IL27RA: variants seen among roughly 807,000 people sequenced by gnomAD.
The protein encoded by IL27RA is interleukin-27 receptor subunit alpha.
In IL27RA, 61 loss-of-function variants were observed where a neutral mutation model predicts 80.8. The ratio of observed to expected loss-of-function variants is 0.76; its 90% CI spans 0.61 to 0.93. The LOEUF (loss-of-function observed/expected upper bound fraction) is 0.93, where lower values mean the gene tolerates loss of function less well. IL27RA is among the 40% of genes least tolerant of loss of function. The probability of loss-of-function intolerance (pLI) is 0.00; values close to 1 mark genes in which losing one functional copy is unlikely to be tolerated. For synonymous variants in IL27RA, 316 were observed against 332.5 expected, an observed-to-expected ratio of 0.95 and a Z score of 0.54; for missense variants, 735 against 808.1, an observed-to-expected ratio of 0.91 and a Z score of 1.10.
intron 8 of IL27RA, among the ~76,000 whole-genome samples, chr19:14,047,958 G>A (rs922739382): frequency 2.7e-5 from 4 of 149,516 alleles, no homozygotes; most frequent in East Asian, 3.9e-4. Flanking sequence ...CACCGCACCC[G>A]GCATTTTTTT....
chr19:14,043,775 T>G (rs1002915044), intron 6 of IL27RA, among the ~76,000 whole-genome samples: 1 of 151,552 alleles, frequency 6.6e-6, no homozygotes, highest in Admixed American at 6.6e-5. Flanking sequence ...AGGCTGGGCA[T>G]GGTGGCTCAT....
Position 14,051,693 on chromosome 19 carries a change from T to A in IL27RA, c.1615T>A (p.Ser539Thr), listed in dbSNP as rs201844321. 2.7e-5 allele frequency: 44 copies of A among 1,602,460 alleles called. No homozygotes were observed. Among genetic ancestry groups the A allele is most frequent in the Non-Finnish European group, 3.5e-5 (41 of 1,173,754 alleles). ...LLGCGLSLAT[S>T]GRCYHLRHKV... ...GGGGTGTGGCCTGAGCCTGGCCACC[T>A]CTGGAAGGTGAGGCTGTCGGATACA... Residue 539 changes from serine to threonine, a missense_variant, in exon 12 of 14, where the codon TCT becomes ACT. Physicochemically the swap from Ser to Thr is moderately conservative, Grantham distance 58. Coordinates refer to ENST00000263379, the MANE Select transcript of IL27RA (RefSeq NM_004843.4).
Position 14,046,253 on chromosome 19 carries a change from C to T in IL27RA, c.868C>T (p.Pro290Ser). 1 of 1,614,170 alleles carries T rather than the reference C, an allele frequency of 6.2e-7. No individual in the cohort carries two copies. Among genetic ancestry groups the T allele is most frequent in the Non-Finnish European group, 8.5e-7 (1 of 1,180,038 alleles). ...EGITCCCSLI[P>S]SGAEWARVSA... ...AATTACCTGCTGCTGCTCCCTAATT[C>T]CCAGTGGGGCGGAGTGGGCCAGGGT... The change falls in exon 7 of 14, where the codon CCC (proline) becomes TCC (serine). Residue 290 changes from proline to serine, a missense_variant. Physicochemically the swap from Pro to Ser is moderately conservative, Grantham distance 74. Coordinates refer to ENST00000263379, the MANE Select transcript of IL27RA (RefSeq NM_004843.4).
At chr19:14,045,537 C>T (rs1277907558) in intron 6 of IL27RA, among the ~76,000 whole-genome samples, 2 of 146,452 alleles carry the variant, frequency 1.4e-5, no homozygotes, top group Admixed American at 1.4e-4. Flanking sequence ...GGAGGCAGAG[C>T]TTGCAGTGAG....
chr19:14,050,281 C>T (rs921708719), intron 10 of IL27RA, among the ~76,000 whole-genome samples: 1 of 152,104 alleles, frequency 6.6e-6, no homozygotes. Flanking sequence ...GTGGGCAGAT[C>T]ACCTGAGGTC....
At chr19:14,036,960 T>G (rs1264541376) in intron 2 of IL27RA, among the ~76,000 whole-genome samples, 2 of 152,038 alleles carry the variant, frequency 1.3e-5, no homozygotes, top group Non-Finnish European at 2.9e-5. Context: ...TTTAGCCTCC[T>G]GAGTAGCTGG....
chr19:14,035,750 CTATTTT>C (rs2145686109), intron 2 of IL27RA, among the ~76,000 whole-genome samples: 1 of 152,002 alleles, frequency 6.6e-6, no homozygotes, highest in Admixed American at 6.6e-5. Context: ...CACATCTTTT[CTATTTT>C]TATTTTAGTT....
intron 10 of IL27RA, 115 bp from the exon 11 acceptor site, chr19:14,050,643 G>A: frequency 9.0e-7 from 1 of 1,105,546 alleles, no homozygotes; most frequent in Non-Finnish European, 1.3e-6. Context: ...AAAGAGATGA[G>A]GAGGGAGCCA....
At chr19:14,044,896 C>T (rs1976041083) in intron 6 of IL27RA, among the ~76,000 whole-genome samples, 2 of 151,462 alleles carry the variant, frequency 1.3e-5, no homozygotes, top group African/African-American at 4.9e-5. Context: ...GAGGCCGAGG[C>T]GGGTGGATCA....
intron 4 of IL27RA, among the ~76,000 whole-genome samples, chr19:14,042,114 G>A (rs1037796491): frequency 6.6e-6 from 1 of 151,654 alleles, no homozygotes; most frequent in Non-Finnish European, 1.5e-5. Flanking sequence ...CAGGGGAATC[G>A]CTTGAACCCA....
rs777481017 is a variant in IL27RA at position 14,052,269 on chromosome 19, C to T, written c.1890C>T (p.Pro630=). The stretch of plus-strand genomic sequence containing the variant: ...AGGAGCTGGGCCTTCTGGGGCCCCC[C>T]AGGCCACAGGTTCTGGCCTGAACCA... ...TPEELGLLGP[P]RPQVLA Residue 630 remains proline, a synonymous_variant, in exon 14 of 14, where the codon CCC becomes CCT. Coordinates refer to ENST00000263379, the MANE Select transcript of IL27RA (RefSeq NM_004843.4). 31 of 1,533,338 alleles carry T rather than the reference C, an allele frequency of 2.0e-5. No homozygotes were observed. Among genetic ancestry groups the T allele is most frequent in the Admixed American group, 4.2e-5 (2 of 47,724 alleles). The allele number at this position is 1,533,338 out of a possible 1,614,324, so 95.0% of individuals were successfully genotyped here.
At chr19:14,038,567 TAAA>T (rs34678070) in intron 2 of IL27RA, among the ~76,000 whole-genome samples, 13 of 100,978 alleles carry the variant, frequency 1.3e-4, no homozygotes, top group Admixed American at 2.2e-4. Flanking sequence ...GTCGTGTCTC[TAAA>T]AAAAAAAAAA....
chr19:14,032,528 G>C (rs777121603), intron 2 of IL27RA, 25 bp downstream of exon 2: 1 of 1,531,560 alleles, frequency 6.5e-7, no homozygotes, highest in African/African-American at 1.4e-5. Flanking sequence ...GTGACGTGGG[G>C]AAACAGGCTT....
intron 6 of IL27RA, among the ~76,000 whole-genome samples, chr19:14,044,500 A>G (rs1400189812): frequency 6.6e-6 from 1 of 151,930 alleles, no homozygotes; most frequent in African/African-American, 2.4e-5. Context: ...CGGCCTCCCA[A>G]AGTGCTGGGA....
intron 2 of IL27RA, among the ~76,000 whole-genome samples, chr19:14,037,195 A>G (rs1263110637): frequency 1.3e-5 from 2 of 152,024 alleles, no homozygotes; most frequent in South Asian, 2.1e-4. Context: ...TGTTGTGAAT[A>G]GTGCTGCATT....
In IL27RA at chr19:14,049,001, C is replaced by T; in HGVS notation, c.1162C>T (p.Pro388Ser). 6.2e-7 allele frequency: 1 copy of T among 1,613,984 alleles called. No individual in the cohort carries two copies. The highest frequency in any genetic ancestry group is 1.1e-5 in the South Asian group (1 of 91,068). Residue 388 changes from proline (P) to serine (S), a missense_variant, in exon 9 of 14, where the codon CCC becomes TCC. Pro to Ser is a moderately conservative substitution (Grantham distance 74). Coordinates refer to ENST00000263379, the MANE Select transcript of IL27RA (RefSeq NM_004843.4). ...LLPGNFTVGVPYRITVTAVSA... is the reference protein window; with the variant it reads ...LLPGNFTVGVSYRITVTAVSA... Reference sequence around the variant, plus strand: ...CTCAGGGAATTTCACTGTCGGGGTCCCCTATCGAATCACTGTGACCGCAGT... The same window carrying T: ...CTCAGGGAATTTCACTGTCGGGGTCTCCTATCGAATCACTGTGACCGCAGT...
At position 14,052,173 on chromosome 19, in the gene IL27RA, G is replaced by C. The variant is rs1192729748; in HGVS notation, c.1794G>C (p.Glu598Asp). The C allele has an allele frequency of 6.2e-7, 1 of 1,613,158 alleles. No homozygotes were observed. Among genetic ancestry groups the C allele is most frequent in the Non-Finnish European group, 8.5e-7 (1 of 1,179,718 alleles). ...VEEMEPPPVM[E>D]SSQPAQATAP... The stretch of plus-strand genomic sequence containing the variant: ...AGATGGAGCCCCCGCCGGTTATGGA[G>C]TCCTCCCAGCCCGCCCAGGCCACCG... The change falls in exon 14 of 14, where the codon GAG (glutamate) becomes GAC (aspartate). Residue 598 changes from glutamate (E) to aspartate (D), a missense_variant. Coordinates refer to ENST00000263379, the MANE Select transcript of IL27RA (RefSeq NM_004843.4).
intron 1 of IL27RA, 84 bp from the exon 2 acceptor site, chr19:14,032,302 T>C (rs1001509509): frequency 1.2e-5 from 13 of 1,057,340 alleles, no homozygotes; most frequent in Non-Finnish European, 1.7e-5. Flanking sequence ...ACCTTGCAAT[T>C]GTCAGAAGTC....
chr19:14,042,197 CA>C lies in IL27RA; in HGVS notation c.535-237del, dbSNP rs144463133. Among the ~76,000 whole-genome samples, 697 of 86,334 alleles carry C rather than the reference CA, an allele frequency of 8.1e-3. 1 individual carries two copies. The highest frequency in any genetic ancestry group is 0.016 in the South Asian group (42 of 2,698). 56.6% of individuals were successfully genotyped at this position (86,334 alleles called of 152,430 possible). On this transcript the variant is annotated intron_variant, in intron 4 of 13. Transcript: ENST00000263379. ...CTGGCGACAGAGCAAGACTCTGCCT[CA>C]AAAAAAAAAAAAAAAAAATTAACCA... is the stretch of plus-strand genomic sequence containing the variant.
Sources: gnomAD v4.1 joint callset for allele counts (sites outside exome capture counted in the v4.1 genomes callset) on GRCh38, gnomAD v4.1.1 for gene constraint, MANE v1.5 for transcripts, NCBI Gene and HGNC (gene_info 2026-07-23, HGNC 2026-07-21) for gene names.